UMAD1: variants seen among roughly 807,000 people sequenced by gnomAD.
UMAD1 encodes UBAP1-MVB12-associated (UMA)-domain containing protein 1.
In UMAD1, 8 loss-of-function variants were observed where a neutral mutation model predicts 6.1. The ratio of observed to expected loss-of-function variants is 1.30; its 90% CI spans 0.76 to 2.35. UMAD1 has a LOEUF of 2.35. Among genes scored for constraint, UMAD1 ranks in the 30% most tolerant of loss-of-function variants. UMAD1 has a pLI of 0.00. For missense variants in UMAD1, 130 were observed against 78.4 expected (o/e 1.66, Z -2.49); for synonymous variants, 56 against 31.4 (o/e 1.78, Z -2.61).
intron 2 of UMAD1, among the ~76,000 whole-genome samples, chr7:7,769,137 T>C (rs1183254529): frequency 3.3e-5 from 5 of 152,188 alleles, no homozygotes; most frequent in Admixed American, 2.6e-4. Context: ...AATTTGCACA[T>C]TTGGGCATAC....
chr7:7,783,631 T>C (rs545527001), intron 2 of UMAD1, among the ~76,000 whole-genome samples: 1 of 152,302 alleles, frequency 6.6e-6, no homozygotes, highest in East Asian at 1.9e-4. Context: ...AACGAACTAT[T>C]GGGAATTATA....
chr7:7,655,088 G>A (rs1448740665), intron 1 of UMAD1, among the ~76,000 whole-genome samples: 2 of 152,090 alleles, frequency 1.3e-5, no homozygotes, highest in Non-Finnish European at 2.9e-5. Flanking sequence ...TATAGTAACA[G>A]CAATGATTCC....
intron 3 of UMAD1, among the ~76,000 whole-genome samples, chr7:7,857,063 A>T (rs1013468429): frequency 6.6e-6 from 1 of 152,224 alleles, no homozygotes; most frequent in African/African-American, 2.4e-5. Context: ...ATATCACATT[A>T]TTCGGTTTTT....
chr7:7,665,409 A>G (rs893724783), intron 1 of UMAD1, among the ~76,000 whole-genome samples: 8 of 152,204 alleles, frequency 5.3e-5, no homozygotes, highest in Non-Finnish European at 1.5e-5. Context: ...TTTGCTTTTT[A>G]TATAAAGACT....
chr7:7,772,126 G>C (rs1409574174), intron 2 of UMAD1, among the ~76,000 whole-genome samples: 16 of 152,132 alleles, frequency 1.1e-4, no homozygotes, highest in Admixed American at 1.0e-3. Flanking sequence ...ATATTTAGAA[G>C]TTTCTTAACA....
intron 2 of UMAD1, among the ~76,000 whole-genome samples, chr7:7,750,660 A>C (rs1455299284): frequency 6.6e-6 from 1 of 152,210 alleles, no homozygotes; most frequent in African/African-American, 2.4e-5. Flanking sequence ...CCTCACCAGT[A>C]TACTTATGAG....
chr7:7,835,425 G>GTGATT (rs1397567731), intron 3 of UMAD1, among the ~76,000 whole-genome samples: 1 of 32,542 alleles, frequency 3.1e-5, no homozygotes, highest in African/African-American at 1.1e-4. Flanking sequence ...ATCTTGCTCT[G>GTGATT]TGATTTTCAT....
At chr7:7,664,576 T>C (rs571085825) in intron 1 of UMAD1, among the ~76,000 whole-genome samples, 1 of 152,336 alleles carries the variant, frequency 6.6e-6, no homozygotes, top group Admixed American at 6.5e-5. Flanking sequence ...TTTGCTTTCC[T>C]CTATACCCAC....
intron 2 of UMAD1, among the ~76,000 whole-genome samples, chr7:7,691,085 T>G (rs1330810033): frequency 2.0e-5 from 3 of 152,222 alleles, no homozygotes; most frequent in Non-Finnish European, 4.4e-5. Context: ...TTCCTGGAAC[T>G]GAGCAGAAGT....
At chr7:7,801,450 A>T (rs1367253518) in intron 2 of UMAD1, among the ~76,000 whole-genome samples, 1 of 152,210 alleles carries the variant, frequency 6.6e-6, no homozygotes, top group African/African-American at 2.4e-5. Context: ...AACAGGATAC[A>T]TTTAGGTTGT....
At chr7:7,799,528 T>C (rs1033628491) in intron 2 of UMAD1, among the ~76,000 whole-genome samples, 2 of 152,256 alleles carry the variant, frequency 1.3e-5, no homozygotes, top group African/African-American at 4.8e-5. Context: ...ATATAGTGTT[T>C]GTGTGATGGA....
chr7:7,823,369 G>A (rs1036366108), intron 3 of UMAD1, among the ~76,000 whole-genome samples: 2 of 152,036 alleles, frequency 1.3e-5, no homozygotes, highest in Non-Finnish European at 2.9e-5. Flanking sequence ...TAGTATGTTT[G>A]TCTTGTGCAA....
rs542446409 is a variant in UMAD1 at position 7,877,616 on chromosome 7, G to C, written c.*78G>C. On this transcript the variant is annotated 3_prime_UTR_variant, in exon 4 of 4. Coordinates refer to ENST00000682710, the MANE Select transcript of UMAD1 (RefSeq NM_001302348.2). ...TCTAACCTGTTTGATGTTCTTTGCC[G>C]TTTCACTGTTTAAGGTCCTCAGCAA... 2 of 666,596 alleles carry C rather than the reference G, an allele frequency of 3.0e-6. No individual in the cohort carries two copies. Among genetic ancestry groups the C allele is most frequent in the Admixed American group, 2.1e-5 (1 of 47,896 alleles). 41.3% of individuals were successfully genotyped at this position (666,596 alleles called of 1,614,324 possible). A position where few individuals can be genotyped will look rare whatever the true frequency, so the allele number is the denominator to read the frequency against.
intron 1 of UMAD1, among the ~76,000 whole-genome samples, chr7:7,649,019 A>G (rs1043635823): frequency 6.6e-6 from 1 of 151,940 alleles, no homozygotes; most frequent in Non-Finnish European, 1.5e-5. Flanking sequence ...TTAGCCAGGC[A>G]TGGTGGCGGA....
In UMAD1 at chr7:7,878,625, A is replaced by C. The variant is rs190744949; in HGVS notation, c.*1087A>C. 354 of 152,324 alleles carry C rather than the reference A, an allele frequency of 2.3e-3. 2 individuals carry two copies. Among genetic ancestry groups the C allele is most frequent in the African/African-American group, 7.9e-3 (330 of 41,582 alleles). 9.4% of individuals were successfully genotyped at this position (152,324 alleles called of 1,614,324 possible). On this transcript the variant is annotated 3_prime_UTR_variant, in exon 4 of 4. Transcript: ENST00000682710. ...CTATGTCATGGGAAATTGAAATCAC[A>C]TTTATTTTGATTACCAGCAATATGA...
chr7:7,820,403 C>T (rs1350667279), intron 3 of UMAD1, among the ~76,000 whole-genome samples: 4 of 152,036 alleles, frequency 2.6e-5, no homozygotes, highest in African/African-American at 9.7e-5. Context: ...CATGCATTGC[C>T]TGGCAGTATC....
chr7:7,700,357 A>G (rs1429968672), intron 2 of UMAD1, among the ~76,000 whole-genome samples: 1 of 152,196 alleles, frequency 6.6e-6, no homozygotes, highest in Non-Finnish European at 1.5e-5. Flanking sequence ...GAGGGGTAGG[A>G]TTTCATTTCA....
chr7:7,710,579 A>G (rs1003149014), intron 2 of UMAD1, among the ~76,000 whole-genome samples: 4 of 152,194 alleles, frequency 2.6e-5, no homozygotes, highest in Non-Finnish European at 4.4e-5. Flanking sequence ...GGATGAAGAG[A>G]ATCTGGATCA....
At chr7:7,773,617 A>G (rs1240680141) in intron 2 of UMAD1, among the ~76,000 whole-genome samples, 1 of 152,196 alleles carries the variant, frequency 6.6e-6, no homozygotes, top group Non-Finnish European at 1.5e-5. Context: ...AATAACCAAG[A>G]TTTATTTGTA....
Sources: allele counts gnomAD v4.1 joint callset (sites outside exome capture counted in the v4.1 genomes callset), GRCh38; gene constraint gnomAD v4.1.1; transcripts MANE v1.5; gene names NCBI Gene and HGNC (gene_info 2026-07-23, HGNC 2026-07-21).